Variants in ERC2 observed in about 807,000 individuals in gnomAD.
ERC2 encodes the protein ERC protein 2.
A neutral mutation model predicts 114.8 loss-of-function variants in ERC2; 42 were observed. That is an observed-to-expected ratio of 0.37 (90% CI 0.29 to 0.47). The LOEUF (loss-of-function observed/expected upper bound fraction) is 0.47, where lower values mean the gene tolerates loss of function less well. ERC2 is among the 20% of genes least tolerant of loss of function. The pLI is 0.99. For missense variants in ERC2, 939 were observed against 1,150.7 expected (o/e 0.82, Z 2.66); for synonymous variants, 454 against 425.5 (o/e 1.07, Z -0.82).
chr3:55,669,820 G>T (rs1302715438), intron 17 of ERC2, among the ~76,000 whole-genome samples: 1 of 152,204 alleles, frequency 6.6e-6, no homozygotes, highest in African/African-American at 2.4e-5. Context: ...TCCCTTGGCC[G>T]TGTGTGCCAA....
intron 12 of ERC2, among the ~76,000 whole-genome samples, chr3:55,958,354 A>AAAGT (rs1247124299): frequency 1.3e-5 from 2 of 152,252 alleles, no homozygotes; most frequent in East Asian, 3.9e-4. Flanking sequence ...CAGAAGGGAG[A>AAAGT]AAGTGCATGC....
At chr3:55,803,574 C>G (rs2059385294) in intron 14 of ERC2, among the ~76,000 whole-genome samples, 1 of 147,784 alleles carries the variant, frequency 6.8e-6, no homozygotes, top group African/African-American at 2.5e-5. Context: ...AAGCAAAGAT[C>G]AAAGAATATT....
At chr3:55,928,956 C>A (rs2065909850) in intron 13 of ERC2, among the ~76,000 whole-genome samples, 1 of 152,102 alleles carries the variant, frequency 6.6e-6, no homozygotes, top group Non-Finnish European at 1.5e-5. Context: ...CTATTCTGTT[C>A]TATTGGTCCA....
chr3:55,685,380 T>C (rs1421608547), intron 16 of ERC2, among the ~76,000 whole-genome samples: 2 of 152,222 alleles, frequency 1.3e-5, no homozygotes, highest in African/African-American at 4.8e-5. Flanking sequence ...CTGGGCCTTC[T>C]TATGTAAAAA....
chr3:55,887,183 A>C (rs911784049), intron 14 of ERC2, among the ~76,000 whole-genome samples: 2 of 152,096 alleles, frequency 1.3e-5, no homozygotes, highest in African/African-American at 4.8e-5. Flanking sequence ...CAGCTCCCTC[A>C]CCTCTGAACT....
At chr3:55,691,634 C>A (rs2062675404) in intron 16 of ERC2, among the ~76,000 whole-genome samples, 1 of 132,888 alleles carries the variant, frequency 7.5e-6, no homozygotes, top group African/African-American at 2.9e-5. Flanking sequence ...TTTAGACATA[C>A]TAGCTTGGTT....
chr3:55,576,082 G>T (rs867674708), intron 17 of ERC2, among the ~76,000 whole-genome samples: 50 of 152,152 alleles, frequency 3.3e-4, no homozygotes, highest in African/African-American at 1.2e-3. Context: ...AGGCCGAGGT[G>T]GGTGGATCAC....
At chr3:55,777,792 T>C (rs1195433725) in intron 14 of ERC2, among the ~76,000 whole-genome samples, 2 of 152,224 alleles carry the variant, frequency 1.3e-5, no homozygotes, top group Admixed American at 6.5e-5. Flanking sequence ...TTTTACTTTT[T>C]ACACTTGTGT....
In ERC2 at chr3:56,065,917, A is replaced by G. The variant is rs188718319; in HGVS notation, c.1641+14900T>C. On this transcript the variant is annotated intron_variant, in intron 7 of 17. Transcript: ENST00000288221. ...GGCTGCATAGTATTCCATGGTGTAT[A>G]TATACCACATTTTCTTTATCCAGTC... Among the ~76,000 whole-genome samples, 398 of 152,254 alleles carry G rather than the reference A, an allele frequency of 2.6e-3. 2 individuals are homozygous for G. The highest frequency in any genetic ancestry group is 9.1e-3 in the African/African-American group (379 of 41,550).
chr3:56,194,649 C>T (rs1194739077), intron 3 of ERC2, among the ~76,000 whole-genome samples: 1 of 152,144 alleles, frequency 6.6e-6, no homozygotes, highest in Non-Finnish European at 1.5e-5. Context: ...TTAGGCTACA[C>T]TGACTTTATT....
intron 15 of ERC2, among the ~76,000 whole-genome samples, chr3:55,712,740 T>C (rs1245098002): frequency 1.3e-5 from 2 of 152,198 alleles, no homozygotes; most frequent in East Asian, 1.9e-4. Flanking sequence ...GCTTTGTACC[T>C]GCAGTTGTAC....
At chr3:56,271,894 C>A (rs2053676664) in intron 3 of ERC2, among the ~76,000 whole-genome samples, 1 of 152,094 alleles carries the variant, frequency 6.6e-6, no homozygotes, top group Non-Finnish European at 1.5e-5. Flanking sequence ...TGATGGTCTC[C>A]AGCTCCATCC....
intron 2 of ERC2, among the ~76,000 whole-genome samples, chr3:56,333,963 T>G (rs2057743594): frequency 6.6e-6 from 1 of 152,216 alleles, no homozygotes; most frequent in Admixed American, 6.5e-5. Flanking sequence ...CCTATTAAAC[T>G]TGGTTTGTAA....
At chr3:55,875,189 G>A (rs1393143812) in intron 14 of ERC2, among the ~76,000 whole-genome samples, 1 of 152,110 alleles carries the variant, frequency 6.6e-6, no homozygotes, top group African/African-American at 2.4e-5. Flanking sequence ...TACATTGAAG[G>A]GAACATTTTC....
chr3:56,062,419 C>G (rs2076281868), intron 7 of ERC2, among the ~76,000 whole-genome samples: 1 of 152,116 alleles, frequency 6.6e-6, no homozygotes, highest in South Asian at 2.1e-4. Flanking sequence ...TCTATCTGCT[C>G]TAGGGGTGAA....
intron 2 of ERC2, among the ~76,000 whole-genome samples, chr3:56,418,295 CAAAAAA>C (rs57185789): frequency 1.3e-5 from 1 of 75,226 alleles, no homozygotes; most frequent in Non-Finnish European, 3.1e-5. Flanking sequence ...GATCCTGTCT[CAAAAAA>C]AAAAAAAAAA....
chr3:56,202,133 G>C (rs1237198108), intron 3 of ERC2, among the ~76,000 whole-genome samples: 1 of 152,142 alleles, frequency 6.6e-6, no homozygotes, highest in African/African-American at 2.4e-5. Flanking sequence ...TCCAAAGTCT[G>C]CAGTCACTTT....
At chr3:56,427,736 G>A (rs1025107286) in intron 2 of ERC2, among the ~76,000 whole-genome samples, 1 of 152,052 alleles carries the variant, frequency 6.6e-6, no homozygotes, top group Non-Finnish European at 1.5e-5. Flanking sequence ...AGAGAGGCCT[G>A]GAACAGACCC....
chr3:56,126,069 C>A (rs1357604281), intron 6 of ERC2, among the ~76,000 whole-genome samples: 1 of 152,196 alleles, frequency 6.6e-6, no homozygotes, highest in Admixed American at 6.5e-5. Context: ...TGACTGCACT[C>A]TCCCTCCCCA....
Sources: allele counts gnomAD v4.1 joint callset (sites outside exome capture counted in the v4.1 genomes callset), GRCh38; gene constraint gnomAD v4.1.1; transcripts MANE v1.5; gene names NCBI Gene and HGNC (gene_info 2026-07-23, HGNC 2026-07-21).